Variants in CHD7 observed in about 807,000 individuals in gnomAD.
CHD7 encodes the protein ATP-dependent chromatin remodeler CHD7.
A neutral mutation model predicts 307.3 loss-of-function variants in CHD7; 24 were observed. That is an observed-to-expected ratio of 0.08 (90% CI 0.06 to 0.11). The LOEUF is 0.11. Ranked by LOEUF, CHD7 falls within the 10% of genes least tolerant of loss-of-function variation. The pLI is 1.00. For missense variants in CHD7, 3,106 were observed against 3,727.1 expected, an observed-to-expected ratio of 0.83 and a Z score of 4.34; for synonymous variants, 1,363 against 1,349.9, an observed-to-expected ratio of 1.01 and a Z score of -0.21.
At chr8:60,837,936 A>G (rs1804810491) in intron 18 of CHD7, 101 bp downstream of exon 18, 3 of 1,302,446 alleles carry the variant, frequency 2.3e-6, no homozygotes, top group Non-Finnish European at 2.1e-6. Context: ...TTCGACCTCA[A>G]TATTTTAAGT....
intron 3 of CHD7, among the ~76,000 whole-genome samples, chr8:60,793,904 C>T (rs1811890083): frequency 6.6e-6 from 1 of 152,142 alleles, no homozygotes; most frequent in South Asian, 2.1e-4. Flanking sequence ...AGGTGGATCA[C>T]CTGAGGTCAG....
intron 13 of CHD7, among the ~76,000 whole-genome samples, chr8:60,828,358 A>T (rs1398881604): frequency 6.6e-6 from 1 of 152,212 alleles, no homozygotes; most frequent in East Asian, 1.9e-4. Context: ...TGGTGGGGAT[A>T]AAAGCATTGA....
chr8:60,737,374 T>A (rs751631059), intron 1 of CHD7, among the ~76,000 whole-genome samples: 1 of 152,234 alleles, frequency 6.6e-6, no homozygotes, highest in Non-Finnish European at 1.5e-5. Context: ...AGCTGCTGTT[T>A]CATTCATTCA....
chr8:60,762,240 A>G (rs571337540), intron 2 of CHD7, among the ~76,000 whole-genome samples: 1 of 152,280 alleles, frequency 6.6e-6, no homozygotes, highest in East Asian at 1.9e-4. Context: ...GTTCTTCACA[A>G]CCTTTTCACC....
rs1480207845 is a variant in CHD7 at position 60,781,221 on chromosome 8, A to G, written c.1887A>G (p.Leu629=). Residue 629 remains leucine (L), a synonymous_variant, in exon 3 of 38, where the codon CTA becomes CTG. Coordinates refer to ENST00000423902, the MANE Select transcript of CHD7 (RefSeq NM_017780.4). ...CTGGTGGGGTAGATAACCAAGAACT[A>G]AATAGGAACTCACTGGATGGGTCCC... is the stretch of plus-strand genomic sequence containing the variant. The part of the protein sequence containing the change: ...DFPGGVDNQE[L]NRNSLDGSQE... The G allele has an allele frequency of 2.5e-6, 4 of 1,592,436 alleles. No individual in the cohort carries two copies. The highest frequency in any genetic ancestry group is 2.6e-6 in the Non-Finnish European group (3 of 1,168,974).
At chr8:60,732,175 C>T (rs922980967) in intron 1 of CHD7, among the ~76,000 whole-genome samples, 1 of 152,172 alleles carries the variant, frequency 6.6e-6, no homozygotes, top group Non-Finnish European at 1.5e-5. Flanking sequence ...TATCCCTTGC[C>T]TTTCAAACCA....
intron 3 of CHD7, among the ~76,000 whole-genome samples, 195 bp from the exon 4 acceptor site, chr8:60,794,791 A>T (rs561900581): frequency 1.3e-5 from 2 of 152,338 alleles, no homozygotes; most frequent in South Asian, 4.1e-4. Flanking sequence ...TAATTAGGTC[A>T]TATATTTGCT....
In CHD7 at chr8:60,867,905, T is replaced by C. The variant is rs1461926793; in HGVS notation, c.*1972T>C. On this transcript the variant is annotated 3_prime_UTR_variant, in exon 38 of 38. Transcript: ENST00000423902. ...GAATATTTTTTGAAAGGGAATTATT[T>C]GAACACGGGAAAGTGAAACTAGGTC... 6.6e-6 allele frequency: 1 copy of C among 151,786 alleles called. No individual in the cohort carries two copies. Among genetic ancestry groups the C allele is most frequent in the Non-Finnish European group, 1.5e-5 (1 of 68,046 alleles). 9.4% of individuals were successfully genotyped at this position (151,786 alleles called of 1,614,324 possible).
chr8:60,710,795 G>T (rs930089675), intron 1 of CHD7, among the ~76,000 whole-genome samples: 1 of 152,210 alleles, frequency 6.6e-6, no homozygotes, highest in African/African-American at 2.4e-5. Context: ...ATGCATGGCT[G>T]TGATGGCCAG....
At chr8:60,706,920 T>G (rs1293426386) in intron 1 of CHD7, among the ~76,000 whole-genome samples, 24 of 152,160 alleles carry the variant, frequency 1.6e-4, no homozygotes, top group Non-Finnish European at 2.9e-5. Flanking sequence ...GCCGCACCCA[T>G]TAACTCGTCA....
At chr8:60,827,132 A>G (rs1173938383) in intron 13 of CHD7, among the ~76,000 whole-genome samples, 1 of 152,206 alleles carries the variant, frequency 6.6e-6, no homozygotes, top group Admixed American at 6.5e-5. Flanking sequence ...TGCATAAGAA[A>G]GGAGTTCCTA....
intron 1 of CHD7, among the ~76,000 whole-genome samples, chr8:60,717,324 T>G (rs1243992980): frequency 6.6e-6 from 1 of 152,248 alleles, no homozygotes; most frequent in East Asian, 1.9e-4. Context: ...CTTTGGTTAT[T>G]AGACTTAGCA....
intron 15 of CHD7, among the ~76,000 whole-genome samples, chr8:60,833,739 T>A (rs1735343208): frequency 6.6e-6 from 1 of 152,238 alleles, no homozygotes; most frequent in Non-Finnish European, 1.5e-5. Flanking sequence ...CAAAGTGTTT[T>A]GGGTTGGCAT....
chr8:60,714,454 C>A (rs1461171964), intron 1 of CHD7, among the ~76,000 whole-genome samples: 3 of 139,262 alleles, frequency 2.2e-5, no homozygotes, highest in South Asian at 5.0e-4. Flanking sequence ...GGCCTCTGGA[C>A]GCTGAGACTG....
At position 60,838,184 on chromosome 8, in the gene CHD7, G is replaced by T; in HGVS notation, c.4462G>T (p.Asp1488Tyr). The T allele has an allele frequency of 6.3e-7, 1 of 1,596,492 alleles. No individual in the cohort carries two copies. Among genetic ancestry groups the T allele is most frequent in the South Asian group, 1.1e-5 (1 of 87,670 alleles). Residue 1488 changes from aspartate to tyrosine, a missense_variant, in exon 19 of 38, where the codon GAT (aspartate) becomes TAT (tyrosine). Transcript: ENST00000423902. ...EGSKFCEEDI[D>Y]QILLRRTHTI... The stretch of plus-strand genomic sequence containing the variant: ...GTCTAAATTCTGTGAAGAAGATATT[G>T]ATCAGATCCTCCTACGTCGAACCCA...
At chr8:60,692,038 C>T (rs1806219026) in intron 1 of CHD7, among the ~76,000 whole-genome samples, 1 of 152,142 alleles carries the variant, frequency 6.6e-6, no homozygotes, top group African/African-American at 2.4e-5. Flanking sequence ...TACTCTGAAA[C>T]TTACGAAGCA....
At chr8:60,819,141 G>A (rs554701582) in intron 8 of CHD7, among the ~76,000 whole-genome samples, 1 of 152,240 alleles carries the variant, frequency 6.6e-6, no homozygotes, top group East Asian at 1.9e-4. Context: ...TTTTAGTAGA[G>A]ACGGGGTTTC....
intron 1 of CHD7, among the ~76,000 whole-genome samples, chr8:60,705,942 TA>T (rs1807003492): frequency 6.6e-6 from 1 of 152,210 alleles, no homozygotes. Flanking sequence ...TGGCATTTTA[TA>T]AAAGAAGAAA....
chr8:60,794,636 C>G (rs1369556728), intron 3 of CHD7, among the ~76,000 whole-genome samples: 1 of 151,778 alleles, frequency 6.6e-6, no homozygotes, highest in African/African-American at 2.4e-5. Flanking sequence ...TTTTTCATGA[C>G]AATTAAAAAA....
Sources: gnomAD v4.1 joint callset for allele counts (sites outside exome capture counted in the v4.1 genomes callset) on GRCh38, gnomAD v4.1.1 for gene constraint, MANE v1.5 for transcripts, NCBI Gene and HGNC (gene_info 2026-07-23, HGNC 2026-07-21) for gene names.